The following WNK1 variants were observed in gnomAD, a reference collection of about 807,000 sequenced individuals.
The protein encoded by WNK1 is serine/threonine-protein kinase WNK1.
In WNK1, 38 loss-of-function variants were observed where a neutral mutation model predicts 222.8. The observed-to-expected ratio is 0.17, with a 90% CI of 0.13 to 0.22. The LOEUF (loss-of-function observed/expected upper bound fraction) is 0.22. Ranked by LOEUF, WNK1 falls within the 10% of genes least tolerant of loss-of-function variation. The pLI, the probability that WNK1 is intolerant of heterozygous loss-of-function variation, is 1.00. For synonymous variants in WNK1, 1,090 were observed against 1,092.9 expected (o/e 1.00, Z 0.05); for missense variants, 2,348 against 2,918.4 (o/e 0.80, Z 4.50).
At chr12:888,765 G>A (rs1043149444) in intron 20 of WNK1, among the ~76,000 whole-genome samples, 1 of 152,182 alleles carries the variant, frequency 6.6e-6, no homozygotes, top group Non-Finnish European at 1.5e-5. Flanking sequence ...AGAAAGAAAA[G>A]AGGGAACATG....
chr12:887,363 GA>G, intron 20 of WNK1, 59 bp downstream of exon 20: 1 of 1,557,558 alleles, frequency 6.4e-7, no homozygotes, highest in Non-Finnish European at 8.9e-7. Flanking sequence ...AAAGCTTGCT[GA>G]AGTTCTCCAC....
intron 1 of WNK1, among the ~76,000 whole-genome samples, chr12:789,685 A>G (rs1431358232): frequency 6.6e-6 from 1 of 152,088 alleles, no homozygotes; most frequent in African/African-American, 2.4e-5. Flanking sequence ...ACCAAACGCC[A>G]GGCTAAGTTT....
At position 859,293 on chromosome 12, in the gene WNK1, A is replaced by C; in HGVS notation, c.1449A>C (p.Thr483=). Reference sequence around the variant, plus strand: ...ACCATGCCTTCTTCCAAGAGGAAACAGGAGTACGGGTAGAATTAGCAGAAG... The same window carrying C: ...ACCATGCCTTCTTCCAAGAGGAAACCGGAGTACGGGTAGAATTAGCAGAAG... ...LLNHAFFQEE[T]GVRVELAEED... Residue 483 remains threonine, a synonymous_variant, in exon 6 of 28, where the codon ACA becomes ACC. Coordinates refer to ENST00000315939, the MANE Select transcript of WNK1 (RefSeq NM_018979.4). The C allele has an allele frequency of 6.2e-7, 1 of 1,613,890 alleles. No individual in the cohort carries two copies.
chr12:865,044 T>C (rs756490161), intron 8 of WNK1: 29 of 1,438,524 alleles, frequency 2.0e-5, no homozygotes, highest in Middle Eastern at 1.8e-4. Flanking sequence ...CTGTTATCAT[T>C]GTACTTTTGT....
chr12:809,367 C>T lies in WNK1; in HGVS notation c.760-4275C>T, dbSNP rs535583244. Among the ~76,000 whole-genome samples, 6 of 150,144 alleles carry T rather than the reference C, an allele frequency of 4.0e-5. No homozygotes were observed. In the South Asian group the frequency reaches 1.3e-3, roughly 32 times the overall value. ...CCCCTCCCCCCCATAATTATGATAT[C>T]TTTTCACCCATTGAGGAAAGTTGGG... On this transcript the variant is annotated intron_variant, in intron 1 of 27. Coordinates refer to ENST00000315939, the MANE Select transcript of WNK1 (RefSeq NM_018979.4).
rs886049925 is a variant in WNK1, at chr12:883,567, A to G, written c.3662A>G (p.Gln1221Arg). The change falls in exon 16 of 28, where the codon CAG becomes CGG. Residue 1221 changes from glutamine (Q) to arginine (R), a missense_variant and splice_region_variant. Coordinates refer to ENST00000315939, the MANE Select transcript of WNK1 (RefSeq NM_018979.4). ...GATGACTATGGCTTTTCAGGTTCTC[A>G]GGTAGGTTCACCACTCCCATAGTGA... ...GKDDYGFSGS[Q>R]KLEGEFKQPI... is the part of the protein sequence containing the mutation. 3.1e-6 allele frequency: 5 copies of G among 1,614,194 alleles called. No homozygotes were observed. The highest frequency in any genetic ancestry group is 4.5e-5 in the East Asian group (2 of 44,882).
At chr12:887,071 A>T in intron 19 of WNK1, 150 bp from the exon 20 acceptor site, 1 of 754,140 alleles carries the variant, frequency 1.3e-6, no homozygotes, top group Non-Finnish European at 2.3e-6. Context: ...TTTAAGACAG[A>T]TACCAGAGAG....
intron 1 of WNK1, among the ~76,000 whole-genome samples, chr12:780,793 A>G (rs187035988): frequency 3.9e-5 from 6 of 152,340 alleles, no homozygotes; most frequent in South Asian, 2.1e-4. Flanking sequence ...TCTAATTAGT[A>G]AACTGAGTGG....
chr12:764,184 C>A (rs1447993922), intron 1 of WNK1, among the ~76,000 whole-genome samples: 1 of 146,906 alleles, frequency 6.8e-6, no homozygotes, highest in African/African-American at 2.4e-5. Flanking sequence ...GAGTAATGGT[C>A]CTCAGGCAAA....
intron 4 of WNK1, among the ~76,000 whole-genome samples, chr12:838,579 A>G (rs1236263260): frequency 6.6e-6 from 1 of 151,820 alleles, no homozygotes; most frequent in Non-Finnish European, 1.5e-5. Context: ...CATGCTGGCT[A>G]ATTTTTTTGT....
chr12:823,201 T>C (rs1175769947), intron 2 of WNK1, among the ~76,000 whole-genome samples: 2 of 152,234 alleles, frequency 1.3e-5, no homozygotes, highest in Non-Finnish European at 2.9e-5. Context: ...CTTGCTACTT[T>C]CAAGATTCTC....
chr12:810,508 G>A (rs1460901203), intron 1 of WNK1, among the ~76,000 whole-genome samples: 2 of 152,208 alleles, frequency 1.3e-5, no homozygotes, highest in Non-Finnish European at 2.9e-5. Flanking sequence ...TGGGGATACA[G>A]TTGTTAGCTG....
chr12:827,046 C>T lies in WNK1; in HGVS notation c.937C>T (p.Leu313=). ...LMTSGTLKTY[L]KRFKVMKIKV... ...GGTATACTTTGCTTTTTCTAGGTAT[C>T]TGAAAAGGTTTAAAGTGATGAAGAT... Residue 313 remains leucine, a synonymous_variant, in exon 3 of 28, where the codon CTG becomes TTG. Transcript: ENST00000315939. The surrounding 1 kb of genome is among the most constrained non-coding windows in gnomAD (Gnocchi z 4.6). 1 of 1,612,956 alleles carries T rather than the reference C, an allele frequency of 6.2e-7. No individual in the cohort carries two copies. The highest frequency in any genetic ancestry group is 8.5e-7 in the Non-Finnish European group (1 of 1,179,944).
At chr12:886,936 C>G (rs1201121581) in intron 19 of WNK1, among the ~76,000 whole-genome samples, 1 of 152,172 alleles carries the variant, frequency 6.6e-6, no homozygotes, top group African/African-American at 2.4e-5. Context: ...GACACTGCCA[C>G]TTATGTACAT....
At chr12:799,210 A>G (rs143939934) in intron 1 of WNK1, among the ~76,000 whole-genome samples, 183 of 150,964 alleles carry the variant, frequency 1.2e-3, no homozygotes, top group African/African-American at 4.3e-3. Context: ...AGCAGCCTCA[A>G]CCTCCTGGGC....
At position 883,331 on chromosome 12, in the gene WNK1, C is replaced by T. The variant is rs1953348994; in HGVS notation, c.3490-64C>T. On this transcript the variant is annotated intron_variant, in intron 15 of 27. Coordinates refer to ENST00000315939, the MANE Select transcript of WNK1 (RefSeq NM_018979.4). ...GTAAGTATGCAGATAGGACAGAAGTCATAAAAGTGACATAAAGTTTGAGAA... is the reference window on the plus strand; with the variant it reads ...GTAAGTATGCAGATAGGACAGAAGTTATAAAAGTGACATAAAGTTTGAGAA... 110 of 1,575,126 alleles carry T rather than the reference C, an allele frequency of 7.0e-5. 1 individual carries two copies. In the South Asian group the frequency reaches 9.7e-4, roughly 14 times the overall value.
At position 787,474 on chromosome 12, in the gene WNK1, C is replaced by A. The variant is rs115455567; in HGVS notation, c.760-26168C>A. The stretch of plus-strand genomic sequence containing the variant: ...TAAATATGTTAATATATGTAAAGCA[C>A]CAGAACAGGGTCTGGAAGTCAATAA... On this transcript the variant is annotated intron_variant, in intron 1 of 27. Transcript: ENST00000315939. 2.6e-3 allele frequency among the ~76,000 whole-genome samples: 393 copies of A among 152,188 alleles called. 2 individuals are homozygous for A. Among genetic ancestry groups the A allele is most frequent in the African/African-American group, 8.7e-3 (361 of 41,504 alleles).
chr12:869,228 G>A lies in WNK1; in HGVS notation c.2140-2037G>A. 6.4e-6 allele frequency: 9 copies of A among 1,402,874 alleles called. No individual in the cohort carries two copies. The South Asian group carries it at 1.1e-4, about 16-fold the overall frequency. The allele number at this position is 1,402,874 out of a possible 1,614,324, so 86.9% of individuals were successfully genotyped here. A position where few individuals can be genotyped will look rare whatever the true frequency, so the allele number is the denominator to read the frequency against. ...GAAATATTGTTTAATTTTATCAGTA[G>A]AGTTTCCCCATCTTTGGGGGGTTGT... On this transcript the variant is annotated intron_variant, in intron 8 of 27. Coordinates refer to ENST00000315939, the MANE Select transcript of WNK1 (RefSeq NM_018979.4).
At chr12:847,391 T>C (rs1950096860) in intron 4 of WNK1, among the ~76,000 whole-genome samples, 1 of 152,190 alleles carries the variant, frequency 6.6e-6, no homozygotes, top group South Asian at 2.1e-4. Flanking sequence ...ATTTGAGGTA[T>C]ACCCTGAAAG....
Sources: allele counts gnomAD v4.1 joint callset (sites outside exome capture counted in the v4.1 genomes callset), GRCh38; gene constraint gnomAD v4.1.1; non-coding constraint Gnocchi (gnomAD v3.1); transcripts MANE v1.5; gene names NCBI Gene and HGNC (gene_info 2026-07-23, HGNC 2026-07-21).